MACROD1: variants seen among roughly 807,000 people sequenced by gnomAD.
The protein encoded by MACROD1 is mono-ADP ribosylhydrolase 1, also known as ADP-ribose glycohydrolase MACROD1.
A neutral mutation model predicts 41.4 loss-of-function variants in MACROD1; 31 were observed. That is an observed-to-expected ratio of 0.75 (90% CI 0.56 to 1.01). The LOEUF (loss-of-function observed/expected upper bound fraction) is 1.01, where lower values mean the gene tolerates loss of function less well. MACROD1 is among the 50% of genes least tolerant of loss of function. The pLI, the probability that MACROD1 is intolerant of heterozygous loss-of-function variation, is 0.00. For synonymous variants in MACROD1, 252 were observed against 203.4 expected (o/e 1.24, Z -2.03); for missense variants, 473 against 460.0 (o/e 1.03, Z -0.26).
intron 3 of MACROD1, among the ~76,000 whole-genome samples, chr11:64,101,578 C>T (rs377114431): frequency 1.5e-4 from 23 of 152,266 alleles, no homozygotes; most frequent in East Asian, 1.2e-3. Flanking sequence ...GCCAGGGAGG[C>T]GGATGACCTC....
At chr11:64,063,867 C>A (rs1943948973) in intron 3 of MACROD1, among the ~76,000 whole-genome samples, 1 of 152,364 alleles carries the variant, frequency 6.6e-6, no homozygotes, top group South Asian at 2.1e-4. Context: ...CCGCTTTCTC[C>A]CCAGCCCCAG....
intron 3 of MACROD1, among the ~76,000 whole-genome samples, chr11:64,111,665 T>C (rs534906735): frequency 6.6e-6 from 1 of 152,106 alleles, no homozygotes; most frequent in South Asian, 2.1e-4. Flanking sequence ...GGGGGGTGGG[T>C]GAGGTCTGGC....
chr11:64,144,203 G>A (rs975381343), intron 3 of MACROD1, among the ~76,000 whole-genome samples: 15 of 151,658 alleles, frequency 9.9e-5, no homozygotes, highest in South Asian at 8.3e-4. Context: ...CTCTTGCCCC[G>A]ACTTCTGACT....
intron 3 of MACROD1, among the ~76,000 whole-genome samples, chr11:64,101,157 G>A (rs761237778): frequency 6.6e-6 from 1 of 152,058 alleles, no homozygotes; most frequent in Non-Finnish European, 1.5e-5. Context: ...GAGGGATGAC[G>A]TCTGCATGGA....
intron 3 of MACROD1, among the ~76,000 whole-genome samples, chr11:64,115,714 G>A (rs922466801): frequency 1.3e-5 from 2 of 152,140 alleles, no homozygotes; most frequent in African/African-American, 2.4e-5. Flanking sequence ...CTTTCCTTTC[G>A]AATCCTGGGT....
At chr11:64,041,235 A>T (rs1943480803) in intron 3 of MACROD1, among the ~76,000 whole-genome samples, 1 of 133,806 alleles carries the variant, frequency 7.5e-6, no homozygotes, top group Admixed American at 7.4e-5. Context: ...AAAAAGCATG[A>T]GCGAGAGAGG....
chr11:64,013,522 G>A (rs11820779), intron 4 of MACROD1, among the ~76,000 whole-genome samples: 2,244 of 152,358 alleles, frequency 0.015, 37 homozygotes, highest in African/African-American at 0.038. Flanking sequence ...GTGGCAGTGC[G>A]GAGGTGACTG....
intron 3 of MACROD1, among the ~76,000 whole-genome samples, chr11:64,085,810 G>A (rs549901273): frequency 6.6e-6 from 1 of 152,316 alleles, no homozygotes; most frequent in African/African-American, 2.4e-5. Context: ...TGGGCAAGTC[G>A]GGGAATAACA....
chr11:64,010,674 TGTTG>T (rs1003400922), intron 4 of MACROD1, among the ~76,000 whole-genome samples: 2 of 149,812 alleles, frequency 1.3e-5, no homozygotes, highest in Non-Finnish European at 3.0e-5. Flanking sequence ...CTGGCTGGTG[TGTTG>T]GTTGGGGTGT....
chr11:64,047,742 C>G (rs569301133), intron 3 of MACROD1, among the ~76,000 whole-genome samples: 1 of 151,950 alleles, frequency 6.6e-6, no homozygotes, highest in African/African-American at 2.4e-5. Flanking sequence ...ACCAAAAATA[C>G]AAAAATTAGC....
At chr11:64,061,873 C>CTTTTT (rs57666180) in intron 3 of MACROD1, among the ~76,000 whole-genome samples, 11 of 99,116 alleles carry the variant, frequency 1.1e-4, no homozygotes, top group Non-Finnish European at 1.3e-4. Flanking sequence ...ACCACGCTGG[C>CTTTTT]TTTTTTTTTT....
At chr11:64,165,150 G>A (rs1215158611) in intron 1 of MACROD1, among the ~76,000 whole-genome samples, 1 of 152,216 alleles carries the variant, frequency 6.6e-6, no homozygotes, top group East Asian at 1.9e-4. Flanking sequence ...TGGGGTGGAG[G>A]CAGGACAGGC....
chr11:64,054,830 G>A (rs1943754624), intron 3 of MACROD1, among the ~76,000 whole-genome samples: 1 of 151,800 alleles, frequency 6.6e-6, no homozygotes, highest in Non-Finnish European at 1.5e-5. Flanking sequence ...CCCTTCCTTG[G>A]GTGGTACTTT....
At chr11:64,093,914 C>T (rs1273761116) in intron 3 of MACROD1, among the ~76,000 whole-genome samples, 1 of 152,230 alleles carries the variant, frequency 6.6e-6, no homozygotes, top group Non-Finnish European at 1.5e-5. Context: ...CCCTCTGTGT[C>T]TGGTACAGTG....
chr11:64,092,509 G>A (rs886273800), intron 3 of MACROD1, among the ~76,000 whole-genome samples: 1 of 152,226 alleles, frequency 6.6e-6, no homozygotes, highest in African/African-American at 2.4e-5. Context: ...CAGCATCCAC[G>A]ATGGGAGGAG....
At chr11:64,081,183 A>G (rs535165057) in intron 3 of MACROD1, among the ~76,000 whole-genome samples, 3 of 152,184 alleles carry the variant, frequency 2.0e-5, no homozygotes, top group South Asian at 2.1e-4. Flanking sequence ...CACCATGCCT[A>G]GCTAATTTTT....
intron 3 of MACROD1, among the ~76,000 whole-genome samples, chr11:64,093,798 G>A (rs1351139558): frequency 6.6e-6 from 1 of 152,230 alleles, no homozygotes; most frequent in Non-Finnish European, 1.5e-5. Context: ...GGCCTGGCCA[G>A]GGTGGAAGGA....
In MACROD1 at chr11:64,023,884, C is replaced by T. The variant is rs190558231; in HGVS notation, c.518-8603G>A. 3.8e-4 allele frequency among the ~76,000 whole-genome samples: 58 copies of T among 152,334 alleles called. 1 individual carries two copies. In the East Asian group the frequency reaches 0.01, roughly 26 times the overall value. On this transcript the variant is annotated intron_variant, in intron 3 of 10. Transcript: ENST00000255681. ...CCTCACAGTTCACTGTTTGAAATGG[C>T]GTGGCTGCGGTTCCAGCTGGCCTGG...
chr11:64,081,532 C>T (rs116707890), intron 3 of MACROD1, among the ~76,000 whole-genome samples: 2 of 152,136 alleles, frequency 1.3e-5, no homozygotes, highest in African/African-American at 4.8e-5. Flanking sequence ...TGTAACACCC[C>T]CCCGACCCCA....
Sources: allele counts gnomAD v4.1 joint callset (sites outside exome capture counted in the v4.1 genomes callset), GRCh38; gene constraint gnomAD v4.1.1; transcripts MANE v1.5; gene names NCBI Gene and HGNC (gene_info 2026-07-23, HGNC 2026-07-21).